LYN: variants seen among roughly 807,000 people sequenced by gnomAD.
LYN encodes the protein LYN proto-oncogene, Src family tyrosine kinase.
In LYN, 12 loss-of-function variants were observed where a neutral mutation model predicts 65.0. The ratio of observed to expected loss-of-function variants is 0.18; its 90% CI spans 0.12 to 0.30. LYN has a LOEUF of 0.30. Ranked by LOEUF, LYN falls within the 10% of genes least tolerant of loss-of-function variation. The pLI is 1.00. For missense variants in LYN, 380 were observed against 623.2 expected (o/e 0.61, Z 4.16); for synonymous variants, 222 against 221.2 (o/e 1.00, Z -0.03).
At chr8:55,958,965 T>C (rs1807199594) in intron 8 of LYN, among the ~76,000 whole-genome samples, 1 of 152,238 alleles carries the variant, frequency 6.6e-6, no homozygotes, top group African/African-American at 2.4e-5. Context: ...TTCCTTTGAG[T>C]ATAAATCCAG....
At chr8:55,983,539 C>G (rs74409019) in intron 10 of LYN, among the ~76,000 whole-genome samples, 1 of 151,848 alleles carries the variant, frequency 6.6e-6, no homozygotes, top group African/African-American at 2.4e-5. Context: ...CTTCCCCACC[C>G]GCCCTCTCTT....
intron 4 of LYN, among the ~76,000 whole-genome samples, chr8:55,949,483 C>T (rs1806876317): frequency 1.3e-5 from 2 of 152,224 alleles, no homozygotes; most frequent in South Asian, 4.1e-4. Flanking sequence ...CACCCGCCTT[C>T]ACCATCCTAA....
intron 1 of LYN, among the ~76,000 whole-genome samples, chr8:55,929,108 G>T (rs533981469): frequency 6.6e-6 from 1 of 152,304 alleles, no homozygotes; most frequent in East Asian, 1.9e-4. Flanking sequence ...CTATATTTGT[G>T]TGGTTCTATT....
chr8:55,955,985 C>T (rs1247165337), intron 8 of LYN, among the ~76,000 whole-genome samples: 2 of 152,118 alleles, frequency 1.3e-5, no homozygotes, highest in African/African-American at 4.8e-5. Context: ...TGAATGTTCA[C>T]ATACAAATTA....
intron 10 of LYN, among the ~76,000 whole-genome samples, chr8:55,983,630 A>G (rs1429176761): frequency 6.0e-5 from 9 of 148,820 alleles, no homozygotes; most frequent in Admixed American, 5.5e-4. Flanking sequence ...CCCATCTCTC[A>G]GCATCTTCCT....
intron 10 of LYN, among the ~76,000 whole-genome samples, chr8:55,982,594 C>A (rs1238170394): frequency 1.3e-5 from 2 of 152,162 alleles, no homozygotes; most frequent in East Asian, 3.8e-4. Flanking sequence ...TGACTCACTT[C>A]ACTGCTGTGG....
intron 12 of LYN, 50 bp from the exon 13 acceptor site, chr8:56,009,858 G>C (rs1477593080): frequency 6.6e-7 from 1 of 1,508,032 alleles, no homozygotes; most frequent in African/African-American, 1.4e-5. Flanking sequence ...CCCTCTGCCA[G>C]GTTTCTAAAC....
At chr8:55,927,988 A>C (rs1806157475) in intron 1 of LYN, among the ~76,000 whole-genome samples, 1 of 152,210 alleles carries the variant, frequency 6.6e-6, no homozygotes, top group Non-Finnish European at 1.5e-5. Context: ...AAGAAACTGC[A>C]AGACTGTCTT....
chr8:55,957,277 T>C (rs1807145832), intron 8 of LYN, among the ~76,000 whole-genome samples: 1 of 152,236 alleles, frequency 6.6e-6, no homozygotes, highest in African/African-American at 2.4e-5. Context: ...TTATTGTCAC[T>C]TTTTTGTTTT....
Position 55,954,069 on chromosome 8 carries a change from G to A in LYN, c.790+85G>A, listed in dbSNP as rs368701760. ...CTCAAGCCAATTTCGATCAGCTTCT[G>A]AGCCAGACACTAAATTATGTCAGAA... On this transcript the variant is annotated intron_variant, in intron 8 of 12. Transcript: ENST00000519728. The A allele has an allele frequency of 2.1e-5, 30 of 1,417,996 alleles. No individual in the cohort carries two copies. In the African/African-American group the frequency reaches 2.1e-4, roughly 10 times the overall value. The allele number at this position is 1,417,996 out of a possible 1,614,324, so 87.8% of individuals were successfully genotyped here.
intron 1 of LYN, among the ~76,000 whole-genome samples, chr8:55,889,626 T>C (rs575068267): frequency 6.6e-6 from 1 of 152,282 alleles, no homozygotes; most frequent in African/African-American, 2.4e-5. Flanking sequence ...CTCTCTGGAT[T>C]GTTCACAAAC....
intron 10 of LYN, among the ~76,000 whole-genome samples, chr8:55,984,366 G>A (rs1201222938): frequency 1.3e-5 from 2 of 152,146 alleles, no homozygotes; most frequent in South Asian, 2.1e-4. Flanking sequence ...TGTGTGTTGG[G>A]CATGTCAAAC....
At chr8:55,951,292 A>G (rs972111809) in intron 6 of LYN, among the ~76,000 whole-genome samples, 1 of 152,128 alleles carries the variant, frequency 6.6e-6, no homozygotes, top group Non-Finnish European at 1.5e-5. Context: ...GAAAGCACAC[A>G]TGATTGTGGC....
At position 56,010,827 on chromosome 8, in the gene LYN, C is replaced by T. The variant is rs138001796; in HGVS notation, c.*717C>T. The T allele has an allele frequency of 3.0e-5, 7 of 230,468 alleles. No homozygotes were observed. The East Asian group carries it at 4.3e-4, about 14-fold the overall frequency. 14.3% of individuals were successfully genotyped at this position (230,468 alleles called of 1,614,324 possible). ...GCCCTGTCTGCTCACCCGAAGGCACCGGGCTCACCTGGACCTCCCAGGAAA... is the reference window on the plus strand; with the variant it reads ...GCCCTGTCTGCTCACCCGAAGGCACTGGGCTCACCTGGACCTCCCAGGAAA... On this transcript the variant is annotated 3_prime_UTR_variant, in exon 13 of 13. Coordinates refer to ENST00000519728, the MANE Select transcript of LYN (RefSeq NM_002350.4).
At chr8:55,932,967 G>A (rs951493186) in intron 1 of LYN, among the ~76,000 whole-genome samples, 1 of 152,100 alleles carries the variant, frequency 6.6e-6, no homozygotes, top group African/African-American at 2.4e-5. Context: ...TACTAAAGTG[G>A]GGGAGGGAGA....
chr8:55,883,485 G>T (rs1804702934), intron 1 of LYN, among the ~76,000 whole-genome samples: 1 of 152,168 alleles, frequency 6.6e-6, no homozygotes, highest in African/African-American at 2.4e-5. Context: ...GTGGTCTCCA[G>T]TAACTGCTAA....
intron 3 of LYN, among the ~76,000 whole-genome samples, chr8:55,946,966 G>A (rs1276809901): frequency 6.6e-6 from 1 of 152,216 alleles, no homozygotes; most frequent in Non-Finnish European, 1.5e-5. Context: ...TATATGCCCT[G>A]GCCGGGTGCA....
intron 9 of LYN, 115 bp downstream of exon 9, chr8:55,967,012 G>T (rs982535732): frequency 1.1e-6 from 1 of 883,316 alleles, no homozygotes; most frequent in Non-Finnish European, 1.7e-6. Context: ...ACCCACTACC[G>T]AAAAATCAGG....
intron 12 of LYN, among the ~76,000 whole-genome samples, chr8:56,003,580 T>C (rs1003167690): frequency 6.6e-6 from 1 of 151,602 alleles, no homozygotes; most frequent in African/African-American, 2.4e-5. Flanking sequence ...AGGCAGAGAA[T>C]CGCTTGAATG....
Sources: gnomAD v4.1 joint callset for allele counts (sites outside exome capture counted in the v4.1 genomes callset) on GRCh38, gnomAD v4.1.1 for gene constraint, MANE v1.5 for transcripts, NCBI Gene and HGNC (gene_info 2026-07-23, HGNC 2026-07-21) for gene names.